The following LPO variants were observed in gnomAD, a reference collection of about 807,000 sequenced individuals.
The protein encoded by LPO is salivary peroxidase.
LPO carries 70 observed loss-of-function variants against 68.4 expected under a neutral mutation model. The observed-to-expected ratio is 1.02, with a 90% confidence interval of 0.84 to 1.25. The LOEUF is 1.25. Among genes scored for constraint, LPO ranks in the 50% most tolerant of loss-of-function variants. The pLI is 0.00. For missense variants in LPO, 873 were observed against 908.4 expected, an observed-to-expected ratio of 0.96 and a Z score of 0.50; for synonymous variants, 360 against 357.6, an observed-to-expected ratio of 1.01 and a Z score of -0.08.
At chr17:58,243,920 G>C (rs8178296) in intron 2 of LPO, 74 bp from the exon 3 acceptor site, 72 of 979,402 alleles carry the variant, frequency 7.4e-5, no homozygotes, top group East Asian at 5.1e-4. Flanking sequence ...GAGAAAGAGG[G>C]AGACAAAAGC....
chr17:58,247,390 T>C (rs1969870343), intron 3 of LPO, 88 bp from the exon 4 acceptor site: 2 of 1,259,998 alleles, frequency 1.6e-6, no homozygotes, highest in Non-Finnish European at 2.2e-6. Flanking sequence ...GAGGCCATGT[T>C]GTACACACAC....
intron 7 of LPO, chr17:58,251,753 C>G: frequency 9.3e-6 from 4 of 431,878 alleles, no homozygotes; most frequent in South Asian, 5.1e-5. Flanking sequence ...CTGAATTGTC[C>G]ACCTTACAGG....
chr17:58,252,446 A>T lies in LPO; in HGVS notation c.1045A>T (p.Lys349Ter), dbSNP rs1969978854. The T allele has an allele frequency of 6.2e-7, 1 of 1,613,984 alleles. No homozygotes were observed. Among genetic ancestry groups the T allele is most frequent in the Non-Finnish European group, 8.5e-7 (1 of 1,180,046 alleles). Residue 349 changes from lysine to a stop codon, truncating the protein, a stop_gained, in exon 8 of 13, where the codon AAG (lysine) becomes TAG (stop). Coordinates refer to ENST00000262290, the MANE Select transcript of LPO (RefSeq NM_006151.3). LOFTEE classifies it high-confidence loss of function. ...ACTACCCTACCTGCCCTATGACAGC[A>T]AGAAGCCAAGCCCCTGTGAGTTCAT... ...HGLPYLPYDS[K>*]KPSPCEFINT... is the part of the protein sequence containing the mutation.
rs753455917 is a variant in LPO, at chr17:58,252,350, G to A, written c.949G>A (p.Ala317Thr). ...SFVYSSEPSL[A>T]SRLRNLSSPL... is the part of the protein sequence containing the mutation. ...TGTGTACAGCTCCGAGCCAAGCCTGGCCAGCCGCCTCCGCAACCTCAGCAG... is the reference window on the plus strand; with the variant it reads ...TGTGTACAGCTCCGAGCCAAGCCTGACCAGCCGCCTCCGCAACCTCAGCAG... The change falls in exon 8 of 13, where the codon GCC becomes ACC. Residue 317 changes from alanine to threonine, a missense_variant. By Grantham distance (58) the Ala-to-Thr change is moderately conservative. Transcript: ENST00000262290. 4.3e-6 allele frequency: 7 copies of A among 1,614,158 alleles called. No homozygotes were observed. The East Asian group carries it at 1.1e-4, about 26-fold the overall frequency.
chr17:58,243,632 G>A lies in LPO; in HGVS notation c.77-362G>A, dbSNP rs1326457955. On this transcript the variant is annotated intron_variant, in intron 2 of 12. Coordinates refer to ENST00000262290, the MANE Select transcript of LPO (RefSeq NM_006151.3). ...ACGTCAGGGTCCTGGTGATCAGTGG[G>A]TCCTCTTTGATGAACTTGAGATAGT... 3 of 317,184 alleles carry A rather than the reference G, an allele frequency of 9.5e-6. No homozygotes were observed. The South Asian group carries it at 1.2e-4, about 13-fold the overall frequency. The allele number at this position is 317,184 out of a possible 1,614,324, so 19.6% of individuals were successfully genotyped here. A position where few individuals can be genotyped will look rare whatever the true frequency, so the allele number is the denominator to read the frequency against.
At position 58,243,986 on chromosome 17, in the gene LPO, AC is replaced by A. The variant is rs1969806446; in HGVS notation, c.77-4del. 6.2e-7 allele frequency: 1 copy of A among 1,611,032 alleles called. No individual in the cohort carries two copies. Among genetic ancestry groups the A allele is most frequent in the African/African-American group, 1.3e-5 (1 of 74,568 alleles). Reference sequence around the variant, plus strand: ...ACCCTACTTCCTGCTCCCCACTCCAACCCCAAGCGCAGACTACCAGAACCTC... The same window carrying A: ...ACCCTACTTCCTGCTCCCCACTCCAACCCAAGCGCAGACTACCAGAACCTC... On this transcript the variant is annotated splice_polypyrimidine_tract_variant and splice_region_variant and intron_variant, in intron 2 of 12. Transcript: ENST00000262290.
At chr17:58,263,864 T>A (rs920096357) in intron 9 of LPO, among the ~76,000 whole-genome samples, 2 of 152,248 alleles carry the variant, frequency 1.3e-5, no homozygotes, top group Admixed American at 6.5e-5. Context: ...AATGCTATTC[T>A]GGTCTACTTC....
At chr17:58,242,889 C>A in intron 1 of LPO, 89 bp from the exon 2 acceptor site, 1 of 1,033,622 alleles carries the variant, frequency 9.7e-7, no homozygotes, top group Non-Finnish European at 1.5e-6. Context: ...GTGTCTGGTG[C>A]TCCTTTGGCT....
At chr17:58,254,719 C>A in intron 8 of LPO, 92 bp from the exon 9 acceptor site, 1 of 1,316,346 alleles carries the variant, frequency 7.6e-7, no homozygotes, top group Non-Finnish European at 1.0e-6. Context: ...GGGCGGGGCG[C>A]GGTCCTGTGG....
At chr17:58,248,948 T>G in intron 4 of LPO, 112 bp from the exon 5 acceptor site, 2 of 801,560 alleles carry the variant, frequency 2.5e-6, no homozygotes, top group Non-Finnish European at 4.5e-6. Context: ...TTACTTAGAA[T>G]GGAATGCATT....
intron 4 of LPO, 134 bp downstream of exon 4, chr17:58,247,772 GA>G: frequency 1.0e-6 from 1 of 1,001,256 alleles, no homozygotes; most frequent in Admixed American, 2.8e-5. Flanking sequence ...TCCCTTCTTA[GA>G]CCCGTAGACG....
chr17:58,252,008 A>AT, intron 7 of LPO, 174 bp from the exon 8 acceptor site: 1 of 767,206 alleles, frequency 1.3e-6, no homozygotes, highest in East Asian at 2.4e-5. Context: ...ACTTCAGGAT[A>AT]TTATGAGCCC....
chr17:58,268,141 C>A lies in LPO; in HGVS notation c.*147C>A. ...TATACCCCTGGATGAACAGCTTGCTCAGGCCCCAGGGTGGCTGCCTCGGCC... is the reference window on the plus strand; with the variant it reads ...TATACCCCTGGATGAACAGCTTGCTAAGGCCCCAGGGTGGCTGCCTCGGCC... On this transcript the variant is annotated 3_prime_UTR_variant, in exon 13 of 13. Transcript: ENST00000262290. 1 of 801,240 alleles carries A rather than the reference C, an allele frequency of 1.2e-6. No individual in the cohort carries two copies. Among genetic ancestry groups the A allele is most frequent in the Non-Finnish European group, 1.9e-6 (1 of 514,336 alleles). 49.6% of individuals were successfully genotyped at this position (801,240 alleles called of 1,614,324 possible). A position where few individuals can be genotyped will look rare whatever the true frequency, so the allele number is the denominator to read the frequency against.
rs1969944988 is a variant in LPO at position 58,250,745 on chromosome 17, C to A, written c.780+124C>A. 6.5e-6 allele frequency: 6 copies of A among 924,210 alleles called. No homozygotes were observed. The South Asian group carries it at 7.7e-5, about 12-fold the overall frequency. The allele number at this position is 924,210 out of a possible 1,614,324, so 57.3% of individuals were successfully genotyped here. On this transcript the variant is annotated intron_variant, in intron 7 of 12. Transcript: ENST00000262290. ...GATACTGATTTGGTAGTTTCCCATG[C>A]CTCACGTGTCCATTCGTTCACTCAT...
chr17:58,245,054 C>T (rs1444718125), intron 3 of LPO, among the ~76,000 whole-genome samples: 4 of 152,202 alleles, frequency 2.6e-5, no homozygotes, highest in South Asian at 2.1e-4. Flanking sequence ...ACTTTCAAGC[C>T]GTCAGATAAC....
intron 3 of LPO, among the ~76,000 whole-genome samples, 181 bp from the exon 4 acceptor site, chr17:58,247,297 A>C (rs1337697117): frequency 6.6e-6 from 1 of 152,106 alleles, no homozygotes; most frequent in Non-Finnish European, 1.5e-5. Context: ...CTGAATTTTT[A>C]ATTTTAATTT....
intron 8 of LPO, 159 bp from the exon 9 acceptor site, chr17:58,254,652 C>A: frequency 3.2e-6 from 2 of 630,658 alleles, no homozygotes; most frequent in Non-Finnish European, 5.4e-6. Context: ...TGATTCAGTA[C>A]CCCCTCCCCA....
chr17:58,247,669 G>A (rs1464596858), intron 4 of LPO, 31 bp downstream of exon 4: 8 of 1,604,314 alleles, frequency 5.0e-6, no homozygotes, highest in East Asian at 2.2e-5. Flanking sequence ...CTCTGTGGCA[G>A]GAAGGGGTCA....
Position 58,254,819 on chromosome 17 carries a change from C to G in LPO, c.1114C>G (p.Arg372Gly). 3.1e-6 allele frequency: 5 copies of G among 1,613,824 alleles called. No individual in the cohort carries two copies. The highest frequency in any genetic ancestry group is 1.7e-4 in the Middle Eastern group (1 of 6,058). Residue 372 changes from arginine to glycine, a missense_variant, in exon 9 of 13, where the codon CGA becomes GGA. Coordinates refer to ENST00000262290, the MANE Select transcript of LPO (RefSeq NM_006151.3). The part of the protein sequence containing the change: ...RVPCFLAGDS[R>G]ASEHILLATS... ...GCCTTCTGGGCTTTCAGGAGATTCT[C>G]GAGCCTCAGAGCATATTCTGCTGGC...
Sources: allele counts gnomAD v4.1 joint callset (sites outside exome capture counted in the v4.1 genomes callset), GRCh38; gene constraint gnomAD v4.1.1; transcripts MANE v1.5; gene names NCBI Gene and HGNC (gene_info 2026-07-23, HGNC 2026-07-21).